The following SUMO3 variants were observed in gnomAD, a reference collection of about 807,000 sequenced individuals.
The protein encoded by SUMO3 is small ubiquitin-related modifier 3.
In SUMO3, 2 loss-of-function variants were observed where a neutral mutation model predicts 11.1. That is an observed-to-expected ratio of 0.18 (90% confidence interval 0.07 to 0.57). SUMO3 has a LOEUF of 0.57. Among genes scored for constraint, SUMO3 ranks in the 20% least tolerant of loss-of-function variants. SUMO3 has a pLI of 0.92. For missense variants in SUMO3, 70 were observed against 132.8 expected (o/e 0.53, Z 2.32); for synonymous variants, 56 against 53.5 (o/e 1.05, Z -0.20).
rs111959345 is a variant in SUMO3 at position 44,806,630 on chromosome 21, C to T, written c.*321G>A. 9 of 396,388 alleles carry T rather than the reference C, an allele frequency of 2.3e-5. No homozygotes were observed. The highest frequency in any genetic ancestry group is 7.6e-5 in the East Asian group (1 of 13,210). The allele number at this position is 396,388 out of a possible 1,614,324, so 24.6% of individuals were successfully genotyped here. On this transcript the variant is annotated 3_prime_UTR_variant, in exon 4 of 4. Transcript: ENST00000332859. ...GTCAGATCCCTGGCCAGACTAAAAG[C>T]GAACATTCAGGCTATAATTTTGGGG...
At position 44,812,053 on chromosome 21, in the gene SUMO3, C is replaced by CCTTTT. The variant is rs755885948; in HGVS notation, c.150+1922_150+1923insAAAAG. Among the ~76,000 whole-genome samples the CCTTTT allele has an allele frequency of 7.5e-3, 605 of 81,080 alleles. 5 individuals are homozygous for CCTTTT. Among genetic ancestry groups the CCTTTT allele is most frequent in the Non-Finnish European group, 0.01 (465 of 45,464 alleles). The allele number at this position is 81,080 out of a possible 152,430, so 53.2% of individuals were successfully genotyped here. On this transcript the variant is annotated intron_variant, in intron 2 of 3. Transcript: ENST00000332859. Reference sequence around the variant, plus strand: ...AATCAGAATCCACTGAACTTCTCACCTTTTTTTTTTTTTTTTTTTTTTTGA... The same window carrying CCTTTT: ...AATCAGAATCCACTGAACTTCTCACCCTTTTTTTTTTTTTTTTTTTTTTTTTTTGA...
At chr21:44,817,026 G>A (rs1235661410) in intron 1 of SUMO3, among the ~76,000 whole-genome samples, 1 of 137,888 alleles carries the variant, frequency 7.3e-6, no homozygotes, top group Non-Finnish European at 1.6e-5. Context: ...GCGACGGGGA[G>A]GGGTGAGCAC....
intron 1 of SUMO3, among the ~76,000 whole-genome samples, chr21:44,817,744 G>T (rs1251042410): frequency 6.7e-6 from 1 of 150,072 alleles, no homozygotes; most frequent in Non-Finnish European, 1.5e-5. Flanking sequence ...CCCGGAGGGG[G>T]CGGAGCTCGC....
In SUMO3 at chr21:44,807,153, C is replaced by G. The variant is rs2083182556; in HGVS notation, c.223-113G>C. On this transcript the variant is annotated intron_variant, in intron 3 of 3. Transcript: ENST00000332859. The surrounding 1 kb of genome is among the most constrained non-coding windows in gnomAD (Gnocchi z 4.3). ...GTGTTCCCTGACACTAGCGACATCA[C>G]CTGGTCACACCTTGGCTCTTGTCCG... 4.6e-6 allele frequency: 6 copies of G among 1,299,534 alleles called. No homozygotes were observed. Among genetic ancestry groups the G allele is most frequent in the Middle Eastern group, 4.2e-4 (2 of 4,706 alleles). 80.5% of individuals were successfully genotyped at this position (1,299,534 alleles called of 1,614,324 possible).
rs566166261 is a variant in SUMO3, at chr21:44,811,063, TACACACAC to T, written c.151-1953_151-1946del. 1.2e-5 allele frequency among the ~76,000 whole-genome samples: 1 copy of T among 83,438 alleles called. No homozygotes were observed. The highest frequency in any genetic ancestry group is 4.9e-5 in the African/African-American group (1 of 20,332). 54.7% of individuals were successfully genotyped at this position (83,438 alleles called of 152,430 possible). ...ATACACACACGCACACACCCACACA[TACACACAC>T]ACGAATGCACACATGCACACACCCA... On this transcript the variant is annotated intron_variant, in intron 2 of 3. Coordinates refer to ENST00000332859, the MANE Select transcript of SUMO3 (RefSeq NM_006936.3). The surrounding 1 kb of genome is among the most constrained non-coding windows in gnomAD (Gnocchi z 5.0).
Position 44,806,786 on chromosome 21 carries a change from C to A in SUMO3, c.*165G>T. On this transcript the variant is annotated 3_prime_UTR_variant, in exon 4 of 4. Transcript: ENST00000332859. ...GCCCAATTTAAGTTACAGATTCATC[C>A]CTGCAGATATAGTTTTGAGTTGCAC... The A allele has an allele frequency of 7.1e-7, 1 of 1,412,992 alleles. No individual in the cohort carries two copies. The highest frequency in any genetic ancestry group is 9.3e-7 in the Non-Finnish European group (1 of 1,076,322). The allele number at this position is 1,412,992 out of a possible 1,614,324, so 87.5% of individuals were successfully genotyped here.
chr21:44,808,438 A>G (rs953650562), intron 3 of SUMO3: 1 of 1,313,694 alleles, frequency 7.6e-7, no homozygotes, highest in Non-Finnish European at 1.0e-6. Context: ...GCGTGAACTC[A>G]GGAGGCAGAG....
Position 44,811,504 on chromosome 21 carries a change from C to G in SUMO3, c.151-2386G>C, listed in dbSNP as rs187605563. 7.0e-4 allele frequency among the ~76,000 whole-genome samples: 106 copies of G among 152,148 alleles called. No homozygotes were observed. The highest frequency in any genetic ancestry group is 2.5e-3 in the African/African-American group (102 of 41,522). ...GGAGGATCACTTGAGCCCCAGGGCT[C>G]AAGGCTGCAGTGAACCATGATCACA... On this transcript the variant is annotated intron_variant, in intron 2 of 3. Transcript: ENST00000332859. The surrounding 1 kb of genome is among the most constrained non-coding windows in gnomAD (Gnocchi z 5.0).
chr21:44,813,949 G>A, intron 2 of SUMO3, 27 bp downstream of exon 2: 1 of 1,606,652 alleles, frequency 6.2e-7, no homozygotes, highest in Non-Finnish European at 8.5e-7. Flanking sequence ...ACACGGGGAG[G>A]CTCTGCGGGG....
At chr21:44,814,368 G>A (rs2083231671) in intron 1 of SUMO3, among the ~76,000 whole-genome samples, 1 of 152,134 alleles carries the variant, frequency 6.6e-6, no homozygotes, top group Admixed American at 6.5e-5. Flanking sequence ...AAAAAACAAA[G>A]TCTAGGGAAA....
In SUMO3 at chr21:44,810,956, CCACACATGCA is replaced by C. The variant is rs2083206436; in HGVS notation, c.151-1848_151-1839del. On this transcript the variant is annotated intron_variant, in intron 2 of 3. Coordinates refer to ENST00000332859, the MANE Select transcript of SUMO3 (RefSeq NM_006936.3). The surrounding 1 kb of genome is among the most constrained non-coding windows in gnomAD (Gnocchi z 4.1). ...CCCACACCCACACACATGCACACAC[CCACACATGCA>C]CACCCATGCACACACCCATGCACAC... is the stretch of plus-strand genomic sequence containing the variant. 6.7e-6 allele frequency among the ~76,000 whole-genome samples: 1 copy of C among 148,634 alleles called. No individual in the cohort carries two copies. Among genetic ancestry groups the C allele is most frequent in the Non-Finnish European group, 1.5e-5 (1 of 67,102 alleles).
In SUMO3 at chr21:44,814,030, C is replaced by T; in HGVS notation, c.96G>A (p.Lys32=). 6.2e-7 allele frequency: 1 copy of T among 1,613,828 alleles called. No homozygotes were observed. The highest frequency in any genetic ancestry group is 8.5e-7 in the Non-Finnish European group (1 of 1,180,034). The part of the protein sequence containing the change: ...AGQDGSVVQF[K]IKRHTPLSKL... ...TGCTCAGCGGCGTGTGCCTCTTGATCTTGAACTGCACCACGGAGCCGTCCT... is the reference window on the plus strand; with the variant it reads ...TGCTCAGCGGCGTGTGCCTCTTGATTTTGAACTGCACCACGGAGCCGTCCT... The change falls in exon 2 of 4, where the codon AAG becomes AAA. Residue 32 remains lysine (K), a synonymous_variant. Transcript: ENST00000332859.
In SUMO3 at chr21:44,808,420, G is replaced by A. The variant is rs770424325; in HGVS notation, c.222+627C>T. On this transcript the variant is annotated intron_variant, in intron 3 of 3. Coordinates refer to ENST00000332859, the MANE Select transcript of SUMO3 (RefSeq NM_006936.3). The stretch of plus-strand genomic sequence containing the variant: ...CCCAGCTACTTGGGAGGCTGAGGCA[G>A]GAGAATGGCGTGAACTCAGGAGGCA... 16 of 1,145,168 alleles carry A rather than the reference G, an allele frequency of 1.4e-5. No individual in the cohort carries two copies. The South Asian group carries it at 2.7e-4, about 20-fold the overall frequency. The allele number at this position is 1,145,168 out of a possible 1,614,324, so 70.9% of individuals were successfully genotyped here.
chr21:44,816,475 C>G (rs2083244162), intron 1 of SUMO3, among the ~76,000 whole-genome samples: 1 of 152,156 alleles, frequency 6.6e-6, no homozygotes, highest in South Asian at 2.1e-4. Context: ...CACTTCCCGC[C>G]AGTGTCTGGC....
Position 44,808,505 on chromosome 21 carries a change from A to G in SUMO3, c.222+542T>C, listed in dbSNP as rs1601211314. On this transcript the variant is annotated intron_variant, in intron 3 of 3. Transcript: ENST00000332859. ...ATTCTAGCCTGGGCAACAAAGCGAGACTCCGTCTCAAAAAAAAAAGTCTGT... is the reference window on the plus strand; with the variant it reads ...ATTCTAGCCTGGGCAACAAAGCGAGGCTCCGTCTCAAAAAAAAAAGTCTGT... The G allele has an allele frequency of 2.1e-6, 3 of 1,440,504 alleles. No individual in the cohort carries two copies. The East Asian group carries it at 8.4e-5, about 40-fold the overall frequency. 89.2% of individuals were successfully genotyped at this position (1,440,504 alleles called of 1,614,324 possible). A position where few individuals can be genotyped will look rare whatever the true frequency, so the allele number is the denominator to read the frequency against.
Position 44,817,951 on chromosome 21 carries a change from G to A in SUMO3, c.18C>T (p.Pro6=). ...CAGGCGGGGTCGCCGCGCTTACCTTGGGCTTCTCCTCGGACATGGCTGCGC... is the reference window on the plus strand; with the variant it reads ...CAGGCGGGGTCGCCGCGCTTACCTTAGGCTTCTCCTCGGACATGGCTGCGC... MSEEK[P]KEGVKTENDH... is the part of the protein sequence containing the mutation. Residue 6 remains proline (P), a synonymous_variant, in exon 1 of 4, where the codon CCC becomes CCT. Transcript: ENST00000332859. The A allele has an allele frequency of 2.5e-6, 3 of 1,178,602 alleles. No homozygotes were observed. The highest frequency in any genetic ancestry group is 3.3e-4 in the Middle Eastern group (1 of 2,990). 73.0% of individuals were successfully genotyped at this position (1,178,602 alleles called of 1,614,324 possible). A position where few individuals can be genotyped will look rare whatever the true frequency, so the allele number is the denominator to read the frequency against.
intron 3 of SUMO3, among the ~76,000 whole-genome samples, chr21:44,808,049 C>A (rs2083188257): frequency 6.6e-6 from 1 of 152,014 alleles, no homozygotes; most frequent in Non-Finnish European, 1.5e-5. Flanking sequence ...AAAATATTTC[C>A]ACATAAAACA....
In SUMO3 at chr21:44,810,355, C is replaced by G. The variant is rs1414734840; in HGVS notation, c.151-1237G>C. 2.0e-5 allele frequency among the ~76,000 whole-genome samples: 3 copies of G among 152,182 alleles called. No homozygotes were observed. Among genetic ancestry groups the G allele is most frequent in the African/African-American group, 7.2e-5 (3 of 41,436 alleles). ...GGTCTGATGGACACTGGACCAGGAT[C>G]CTAGGGCGGAGGGACTGGGCACGCC... is the stretch of plus-strand genomic sequence containing the variant. On this transcript the variant is annotated intron_variant, in intron 2 of 3. Coordinates refer to ENST00000332859, the MANE Select transcript of SUMO3 (RefSeq NM_006936.3). This position sits in a 1 kb window ranked among gnomAD's most constrained non-coding sequence, Gnocchi z 4.1.
chr21:44,817,336 G>GGGGACGCGATGGCC (rs2083251833), intron 1 of SUMO3, among the ~76,000 whole-genome samples: 1 of 151,714 alleles, frequency 6.6e-6, no homozygotes. Flanking sequence ...GCGCACACTG[G>GGGGACGCGATGGCC]GGGACGCGAT....
Sources: gnomAD v4.1 joint callset for allele counts (sites outside exome capture counted in the v4.1 genomes callset) on GRCh38, gnomAD v4.1.1 for gene constraint, Gnocchi (gnomAD v3.1) non-coding constraint, MANE v1.5 for transcripts, NCBI Gene and HGNC (gene_info 2026-07-23, HGNC 2026-07-21) for gene names.